BIN1: variants seen among roughly 807,000 people sequenced by gnomAD.
The protein encoded by BIN1 is bridging integrator 1.
In BIN1, 53 loss-of-function variants were observed where a neutral mutation model predicts 82.0. That is an observed-to-expected ratio of 0.65 (90% CI 0.52 to 0.81). The LOEUF (loss-of-function observed/expected upper bound fraction) is 0.81, where lower values mean the gene tolerates loss of function less well. BIN1 is among the 40% of genes least tolerant of loss of function. The pLI is 0.00. For synonymous variants in BIN1, 302 were observed against 328.0 expected, an observed-to-expected ratio of 0.92 and a Z score of 0.86; for missense variants, 642 against 784.4, an observed-to-expected ratio of 0.82 and a Z score of 2.17.
chr2:127,076,681 T>A lies in BIN1; in HGVS notation c.110A>T (p.Asp37Val). The A allele has an allele frequency of 6.2e-7, 1 of 1,614,166 alleles. No individual in the cohort carries two copies. The highest frequency in any genetic ancestry group is 8.5e-7 in the Non-Finnish European group (1 of 1,180,042). The change falls in exon 2 of 19, where the codon GAT (aspartate) becomes GTT (valine). Residue 37 changes from aspartate (D) to valine (V), a missense_variant. Coordinates refer to ENST00000316724, the MANE Select transcript of BIN1 (RefSeq NM_139343.3). ...CTCAAACTGCTCATCCTTGGTCTCA[T>A]CTGCCTTCCCCAGCTTCTGGAGAAC... ...EKVLQKLGKA[D>V]ETKDEQFEQC...
In BIN1 at chr2:127,073,488, C is replaced by T. The variant is rs535576533; in HGVS notation, c.166-2672G>A. Among the ~76,000 whole-genome samples, 15 of 152,272 alleles carry T rather than the reference C, an allele frequency of 9.9e-5. No individual in the cohort carries two copies. In the East Asian group the frequency reaches 1.4e-3, roughly 14 times the overall value. ...CAGGAAGGTCCTGGAGCAGCTCCAG[C>T]GCGGCTGGGCTCAGCCAGCATCCCC... On this transcript the variant is annotated intron_variant, in intron 2 of 18. Coordinates refer to ENST00000316724, the MANE Select transcript of BIN1 (RefSeq NM_139343.3).
intron 1 of BIN1, among the ~76,000 whole-genome samples, chr2:127,094,036 G>A (rs1679271722): frequency 6.6e-6 from 1 of 152,184 alleles, no homozygotes; most frequent in Admixed American, 6.5e-5. Flanking sequence ...GCTGGTCCAC[G>A]AGCCGGCACC....
chr2:127,065,404 G>C (rs116345008), intron 7 of BIN1, among the ~76,000 whole-genome samples: 2 of 152,226 alleles, frequency 1.3e-5, no homozygotes, highest in African/African-American at 4.8e-5. Flanking sequence ...CCCCTCCTCC[G>C]TCTCCAGGCT....
chr2:127,098,239 C>A (rs892851095), intron 1 of BIN1, among the ~76,000 whole-genome samples: 2 of 152,206 alleles, frequency 1.3e-5, no homozygotes, highest in African/African-American at 4.8e-5. Flanking sequence ...CCCAGGGGCT[C>A]TGAGGATGGG....
At chr2:127,053,045 A>C in intron 14 of BIN1, 1 of 331,400 alleles carries the variant, frequency 3.0e-6, no homozygotes, top group Non-Finnish European at 5.8e-6. Context: ...AGCTCAGAGA[A>C]GGCAAGAACC....
chr2:127,099,105 C>T (rs1200236961), intron 1 of BIN1, among the ~76,000 whole-genome samples: 1 of 152,234 alleles, frequency 6.6e-6, no homozygotes, highest in Non-Finnish European at 1.5e-5. Flanking sequence ...CTCCCGCTCC[C>T]ACCCTGCACC....
At chr2:127,056,001 G>A (rs971132473) in intron 12 of BIN1, 3 of 152,338 alleles carry the variant, frequency 2.0e-5, no homozygotes, top group Non-Finnish European at 4.4e-5. Flanking sequence ...GCCTGGGTGC[G>A]GGTGGTCTCT....
chr2:127,058,547 A>G (rs1316221649), intron 11 of BIN1, among the ~76,000 whole-genome samples: 3 of 129,652 alleles, frequency 2.3e-5, no homozygotes, highest in African/African-American at 1.3e-4. Flanking sequence ...CCCTCCTCTG[A>G]GCCCTTCCTC....
chr2:127,080,197 C>G (rs1005026008), intron 1 of BIN1, among the ~76,000 whole-genome samples: 23 of 152,358 alleles, frequency 1.5e-4, no homozygotes, highest in African/African-American at 5.3e-4. Flanking sequence ...ACAATCTGGG[C>G]ACCCCCTGCC....
At chr2:127,063,912 G>A (rs777053553) in intron 8 of BIN1, 21 bp downstream of exon 8, 8 of 1,612,962 alleles carry the variant, frequency 5.0e-6, no homozygotes, top group Middle Eastern at 3.3e-4. Context: ...CACGCAGGCT[G>A]GGCACCGTGC....
chr2:127,085,426 G>A (rs1274266323), intron 1 of BIN1, among the ~76,000 whole-genome samples: 6 of 152,142 alleles, frequency 3.9e-5, no homozygotes, highest in East Asian at 1.9e-4. Flanking sequence ...GCACAAGCTC[G>A]GCCATGTACA....
chr2:127,081,641 T>G (rs1196370388), intron 1 of BIN1, among the ~76,000 whole-genome samples: 1 of 152,180 alleles, frequency 6.6e-6, no homozygotes, highest in African/African-American at 2.4e-5. Context: ...ACTCTGGTCC[T>G]GGCCAGGGCC....
At chr2:127,065,249 G>A (rs1363098084) in intron 7 of BIN1, among the ~76,000 whole-genome samples, 2 of 152,192 alleles carry the variant, frequency 1.3e-5, no homozygotes, top group Non-Finnish European at 1.5e-5. Flanking sequence ...GAGTGGGCGT[G>A]GGCTCCTTGC....
chr2:127,051,199 A>AGCC lies in BIN1; in HGVS notation c.1413_1415dup (p.Ala472dup), dbSNP rs1241618570. ...CCGTCTCCCCTGGCTCCTGGGCTCC[A>AGCC]GCCGCAGGTTGGGTCCCACCCGCCA... On this transcript the variant is annotated inframe_insertion, in exon 16 of 19. Coordinates refer to ENST00000316724, the MANE Select transcript of BIN1 (RefSeq NM_139343.3). The AGCC allele has an allele frequency of 6.2e-7, 1 of 1,613,482 alleles. No individual in the cohort carries two copies. Among genetic ancestry groups the AGCC allele is most frequent in the Non-Finnish European group, 8.5e-7 (1 of 1,179,934 alleles).
At chr2:127,058,886 AAGCATCGGGTCCAT>A in intron 11 of BIN1, 111 bp downstream of exon 11, 1 of 1,412,960 alleles carries the variant, frequency 7.1e-7, no homozygotes, top group Non-Finnish European at 9.5e-7. Context: ...CCACTGGGCA[AAGCATCGGGTCCAT>A]AGCTGCCCAG....
intron 12 of BIN1, chr2:127,054,551 G>C (rs7606043): frequency 0.6 from 93,934 of 156,636 alleles, 28,773 homozygotes; most frequent in African/African-American, 0.72. Context: ...CCCAGACAGG[G>C]AGGTCACTCT....
At chr2:127,076,577 C>G (rs922829021) in intron 2 of BIN1, 49 bp downstream of exon 2, 2 of 1,607,914 alleles carry the variant, frequency 1.2e-6, no homozygotes, top group African/African-American at 2.7e-5. Context: ...TTTCACCTGG[C>G]AGCCGAATTT....
At chr2:127,073,482 C>T (rs911537704) in intron 2 of BIN1, among the ~76,000 whole-genome samples, 1 of 152,168 alleles carries the variant, frequency 6.6e-6, no homozygotes, top group Non-Finnish European at 1.5e-5. Context: ...CCTGGAGCAG[C>T]TCCAGCGCGG....
intron 2 of BIN1, among the ~76,000 whole-genome samples, chr2:127,072,299 G>A (rs956693897): frequency 9.2e-5 from 14 of 152,176 alleles, no homozygotes; most frequent in Non-Finnish European, 1.0e-4. Context: ...GTCCTTAGCC[G>A]GGGCTGCTCT....
Sources: allele counts gnomAD v4.1 joint callset (sites outside exome capture counted in the v4.1 genomes callset), GRCh38; gene constraint gnomAD v4.1.1; transcripts MANE v1.5; gene names NCBI Gene and HGNC (gene_info 2026-07-23, HGNC 2026-07-21).